The following NRXN3 variants were observed in gnomAD, a reference collection of about 807,000 sequenced individuals.
NRXN3 encodes the protein neurexin 3.
Under a neutral mutation model 137.6 loss-of-function variants are expected in NRXN3, and 32 were observed. The ratio of observed to expected loss-of-function variants is 0.23; its 90% CI spans 0.18 to 0.31. The LOEUF (loss-of-function observed/expected upper bound fraction) is 0.31. NRXN3 is among the 10% of genes least tolerant of loss of function. NRXN3 has a pLI of 1.00. For missense variants in NRXN3, 1,574 were observed against 2,062.5 expected (o/e 0.76, Z 4.59); for synonymous variants, 798 against 784.5 (o/e 1.02, Z -0.29).
chr14:78,854,084 TA>T (rs2099050256), intron 10 of NRXN3, among the ~76,000 whole-genome samples: 1 of 152,202 alleles, frequency 6.6e-6, no homozygotes. Context: ...CCTTTAATTA[TA>T]CCTGTTGGAA....
At position 79,185,558 on chromosome 14, in the gene NRXN3, T is replaced by C. The variant is rs932915853; in HGVS notation, c.3262+197417T>C. On this transcript the variant is annotated intron_variant, in intron 15 of 20. Transcript: ENST00000335750. ...TTGGCTCACTGCAAGCTCCAGCTCC[T>C]GGGTTCACGCCATTCTCCTGCCTCA... 6.6e-5 allele frequency among the ~76,000 whole-genome samples: 10 copies of C among 151,642 alleles called. No individual in the cohort carries two copies. In the South Asian group the frequency reaches 1.7e-3, roughly 25 times the overall value.
chr14:79,502,706 A>G (rs1000414404), intron 16 of NRXN3, among the ~76,000 whole-genome samples: 8 of 151,898 alleles, frequency 5.3e-5, no homozygotes, highest in African/African-American at 1.9e-4. Context: ...TTTGGTTTCT[A>G]ATGTTTTACC....
chr14:79,718,253 G>C (rs1188196947), intron 19 of NRXN3, among the ~76,000 whole-genome samples: 1 of 152,148 alleles, frequency 6.6e-6, no homozygotes, highest in African/African-American at 2.4e-5. Flanking sequence ...AGAGGGAACG[G>C]TTAGTGTAAA....
At chr14:78,282,384 G>A (rs1473416994) in intron 3 of NRXN3, 15 of 321,432 alleles carry the variant, frequency 4.7e-5, no homozygotes, top group African/African-American at 2.4e-4. Flanking sequence ...CTCCCCCAGT[G>A]CTTCTCCCTC....
At chr14:79,703,566 G>T (rs2098763834) in intron 19 of NRXN3, among the ~76,000 whole-genome samples, 1 of 152,066 alleles carries the variant, frequency 6.6e-6, no homozygotes, top group Non-Finnish European at 1.5e-5. Context: ...AGTTCCGTAT[G>T]CCTGGAGAGG....
At chr14:78,643,760 C>T (rs2097658556) in intron 4 of NRXN3, among the ~76,000 whole-genome samples, 1 of 152,148 alleles carries the variant, frequency 6.6e-6, no homozygotes, top group Admixed American at 6.5e-5. Context: ...GTTGCCCCAG[C>T]CTAATGGAGA....
intron 16 of NRXN3, among the ~76,000 whole-genome samples, chr14:79,477,016 A>G (rs1164353770): frequency 1.3e-5 from 2 of 152,096 alleles, no homozygotes; most frequent in Admixed American, 1.3e-4. Flanking sequence ...GTTAATATCT[A>G]GCCGGGGGGT....
At chr14:78,227,889 G>T (rs902512053) in intron 1 of NRXN3, among the ~76,000 whole-genome samples, 1 of 152,164 alleles carries the variant, frequency 6.6e-6, no homozygotes, top group South Asian at 2.1e-4. Flanking sequence ...GGAGGCGAGC[G>T]TGGGCATGTT....
rs375905555 is a variant in NRXN3 at position 78,844,620 on chromosome 14, C to A, written c.2275+34276C>A. On this transcript the variant is annotated intron_variant, in intron 10 of 20. Transcript: ENST00000335750. The stretch of plus-strand genomic sequence containing the variant: ...TTTATATATATGTAAAGTTACCTAA[C>A]CCAGTTCTTAGCATAATTAGTTGCT... Among the ~76,000 whole-genome samples, 31 of 152,160 alleles carry A rather than the reference C, an allele frequency of 2.0e-4. No homozygotes were observed. The East Asian group carries it at 4.1e-3, about 20-fold the overall frequency.
rs138848392 is a variant in NRXN3, at chr14:78,807,438, A to G, written c.2249-2880A>G. On this transcript the variant is annotated intron_variant, in intron 9 of 20. Coordinates refer to ENST00000335750, the MANE Select transcript of NRXN3 (RefSeq NM_001330195.2). ...CTCGACCCAAAGCTCAACAACGAGA[A>G]AAACTTTCTTGGCCAGGCACCTTAA... Among the ~76,000 whole-genome samples the G allele has an allele frequency of 2.3e-3, 357 of 152,266 alleles. 2 individuals are homozygous for G. Among genetic ancestry groups the G allele is most frequent in the African/African-American group, 8.3e-3 (346 of 41,558 alleles).
chr14:78,523,816 C>CAAAAAAAAAAAAAAAA (rs56083130), intron 4 of NRXN3, among the ~76,000 whole-genome samples: 27 of 61,570 alleles, frequency 4.4e-4, no homozygotes, highest in Non-Finnish European at 5.5e-4. Context: ...GACTCTGTCT[C>CAAAAAAAAAAAAAAAA]AAAAAAAAAA....
intron 15 of NRXN3, among the ~76,000 whole-genome samples, chr14:79,102,963 T>A (rs1470785046): frequency 6.6e-6 from 1 of 152,196 alleles, no homozygotes; most frequent in Non-Finnish European, 1.5e-5. Context: ...TAATACATTG[T>A]CTTGTCAGGT....
At chr14:78,253,354 G>T (rs1567087124) in intron 2 of NRXN3, among the ~76,000 whole-genome samples, 2 of 152,166 alleles carry the variant, frequency 1.3e-5, no homozygotes, top group African/African-American at 2.4e-5. Context: ...CCTAGGTAAT[G>T]TACTGGAAAC....
intron 15 of NRXN3, among the ~76,000 whole-genome samples, chr14:79,238,703 C>G (rs375741706): frequency 6.6e-6 from 1 of 152,018 alleles, no homozygotes; most frequent in African/African-American, 2.4e-5. Context: ...AAAAGGCATT[C>G]CAGCGGCTTC....
intron 15 of NRXN3, among the ~76,000 whole-genome samples, chr14:79,332,997 A>T (rs889303368): frequency 2.0e-5 from 3 of 151,752 alleles, no homozygotes; most frequent in Non-Finnish European, 4.4e-5. Flanking sequence ...TCTTTCTCTC[A>T]TCTCCATCCT....
At chr14:79,232,700 AG>A (rs1319400471) in intron 15 of NRXN3, among the ~76,000 whole-genome samples, 2 of 152,152 alleles carry the variant, frequency 1.3e-5, no homozygotes, top group African/African-American at 4.8e-5. Flanking sequence ...TGTGAAGTAT[AG>A]ATGAAGGTAA....
intron 8 of NRXN3, among the ~76,000 whole-genome samples, chr14:78,748,695 A>G (rs2098625897): frequency 6.6e-6 from 1 of 152,180 alleles, no homozygotes. Flanking sequence ...ATGGCAGGAC[A>G]TGCTGATGAT....
chr14:78,821,887 A>G, intron 10 of NRXN3, among the ~76,000 whole-genome samples: 1 of 152,184 alleles, frequency 6.6e-6, no homozygotes, highest in Non-Finnish European at 1.5e-5. Context: ...TAATAGAACC[A>G]ATTTACAAAA....
intron 15 of NRXN3, among the ~76,000 whole-genome samples, chr14:79,162,248 C>T (rs961170573): frequency 9.3e-5 from 14 of 150,298 alleles, no homozygotes; most frequent in South Asian, 6.3e-4. Flanking sequence ...CCCACTAACT[C>T]GTCATCTAGC....
Sources: allele counts gnomAD v4.1 joint callset (sites outside exome capture counted in the v4.1 genomes callset), GRCh38; gene constraint gnomAD v4.1.1; transcripts MANE v1.5; gene names NCBI Gene and HGNC (gene_info 2026-07-23, HGNC 2026-07-21).